ENOX2: variants seen among roughly 807,000 people sequenced by gnomAD.
The protein encoded by ENOX2 is ecto-NOX disulfide-thiol exchanger 2, also known as APK1 antigen.
ENOX2 carries 36 observed loss-of-function variants against 45.0 expected under a neutral mutation model. That is an observed-to-expected ratio of 0.80 (90% CI 0.61 to 1.06). The LOEUF (loss-of-function observed/expected upper bound fraction) is 1.06, where lower values mean the gene tolerates loss of function less well. Ranked by LOEUF, ENOX2 falls within the 50% of genes least tolerant of loss-of-function variation. ENOX2 has a pLI of 0.00. For missense variants in ENOX2, 423 were observed against 462.5 expected (o/e 0.91, Z 0.78); for synonymous variants, 174 against 152.3 (o/e 1.14, Z -1.05).
intron 13 of ENOX2, among the ~76,000 whole-genome samples, chrX:130,628,812 G>A (rs964369496): frequency 3.6e-5 from 4 of 111,678 alleles, no homozygotes; most frequent in Non-Finnish European, 7.5e-5. Flanking sequence ...TCATTGTTCT[G>A]GCCATTAGGT....
chrX:130,656,785 T>C, intron 9 of ENOX2, 90 bp from the exon 10 acceptor site: 1 of 543,246 alleles, frequency 1.8e-6, no homozygotes, highest in Non-Finnish European at 3.1e-6. Context: ...AGCAGCATTT[T>C]TTTTTGACAT....
intron 2 of ENOX2, among the ~76,000 whole-genome samples, chrX:130,844,400 A>G (rs147671427): frequency 0.011 from 1,201 of 111,408 alleles, 17 homozygotes; most frequent in African/African-American, 0.037. Flanking sequence ...GAGAGAGAGA[A>G]AGGGAAAGAG....
intron 2 of ENOX2, among the ~76,000 whole-genome samples, chrX:130,884,723 T>C (rs969468697): frequency 4.1e-4 from 44 of 106,265 alleles, no homozygotes; most frequent in African/African-American, 1.4e-3. Flanking sequence ...TGCTGATCTA[T>C]GAGAGAGAGA....
chrX:130,881,592 A>G (rs934677074), intron 2 of ENOX2, among the ~76,000 whole-genome samples: 12 of 112,088 alleles, frequency 1.1e-4, no homozygotes, highest in African/African-American at 2.3e-4. Context: ...TTATGCATCA[A>G]AAATTCCAAT....
rs190169705 is a variant in ENOX2 at position 130,784,553 on chromosome X, G to T, written c.-182-863C>A. 1.2e-4 allele frequency among the ~76,000 whole-genome samples: 13 copies of T among 109,905 alleles called. No homozygotes were observed. In the East Asian group the frequency reaches 3.4e-3, roughly 29 times the overall value. On this transcript the variant is annotated intron_variant, in intron 2 of 14. Transcript: ENST00000394363. ...ACTGGTTCTCTAATCCTATCAAAGG[G>T]GGGGAAATCAGGTTGGCCTGATATA...
chrX:130,695,268 G>T (rs2037726800), intron 4 of ENOX2, among the ~76,000 whole-genome samples: 1 of 111,956 alleles, frequency 8.9e-6, no homozygotes, highest in Non-Finnish European at 1.9e-5. Flanking sequence ...CACATGCATT[G>T]TCACAGTGTT....
rs958217864 is a variant in ENOX2 at position 130,710,248 on chromosome X, T to G, written c.-38-6994A>C. On this transcript the variant is annotated intron_variant, in intron 3 of 14. Coordinates refer to ENST00000394363, the MANE Select transcript of ENOX2 (RefSeq NM_006375.4). Reference sequence around the variant, plus strand: ...CCATAGTTATATAGCTAGCTTGCAGTAGAGCCGAGATTCAAACCCAGGCAG... The same window carrying G: ...CCATAGTTATATAGCTAGCTTGCAGGAGAGCCGAGATTCAAACCCAGGCAG... Among the ~76,000 whole-genome samples, 23 of 111,920 alleles carry G rather than the reference T, an allele frequency of 2.1e-4. No individual in the cohort carries two copies. The Admixed American group carries it at 2.2e-3, about 11-fold the overall frequency.
chrX:130,739,103 C>A (rs1446883592), intron 3 of ENOX2, among the ~76,000 whole-genome samples: 1 of 112,571 alleles, frequency 8.9e-6, no homozygotes, highest in Non-Finnish European at 1.9e-5. Context: ...GATGGTTCGA[C>A]TAAAATTTGT....
chrX:130,832,245 T>C (rs1311846060), intron 2 of ENOX2, among the ~76,000 whole-genome samples: 1 of 111,029 alleles, frequency 9.0e-6, no homozygotes, highest in African/African-American at 3.3e-5. Context: ...CTCTGCTAAG[T>C]AGTTTATCGA....
intron 11 of ENOX2, among the ~76,000 whole-genome samples, chrX:130,636,779 G>A (rs1410831505): frequency 8.9e-6 from 1 of 112,229 alleles, no homozygotes; most frequent in Non-Finnish European, 1.9e-5. Context: ...AACCTATAAT[G>A]TACCTATTTC....
intron 2 of ENOX2, among the ~76,000 whole-genome samples, chrX:130,784,824 G>A (rs1347259389): frequency 9.2e-6 from 1 of 108,511 alleles, no homozygotes; most frequent in Non-Finnish European, 1.9e-5. Context: ...CTTACCTCAG[G>A]TGATCCACCA....
At chrX:130,631,948 C>G (rs905936200) in intron 12 of ENOX2, among the ~76,000 whole-genome samples, 1 of 110,269 alleles carries the variant, frequency 9.1e-6, no homozygotes, top group Non-Finnish European at 1.9e-5. Context: ...GAAAGTGAGG[C>G]TCAGGTAAAT....
intron 2 of ENOX2, among the ~76,000 whole-genome samples, chrX:130,875,835 G>T (rs913704534): frequency 1.8e-5 from 2 of 111,904 alleles, no homozygotes; most frequent in African/African-American, 6.5e-5. Flanking sequence ...TCAGACAAAT[G>T]ATATAATCAT....
intron 9 of ENOX2, among the ~76,000 whole-genome samples, chrX:130,658,641 T>G (rs1193019555): frequency 8.9e-6 from 1 of 111,938 alleles, no homozygotes; most frequent in Non-Finnish European, 1.9e-5. Flanking sequence ...CAATACATTA[T>G]ACAGAGGGGA....
At chrX:130,765,087 T>C (rs2039585643) in intron 3 of ENOX2, among the ~76,000 whole-genome samples, 1 of 111,480 alleles carries the variant, frequency 9.0e-6, no homozygotes, top group South Asian at 3.8e-4. Context: ...ATTAAAAGCA[T>C]TGGGCTACAT....
chrX:130,832,436 C>CACAG (rs1556500558), intron 2 of ENOX2, among the ~76,000 whole-genome samples: 10 of 78,868 alleles, frequency 1.3e-4, no homozygotes, highest in African/African-American at 6.8e-4. Flanking sequence ...CACACACACA[C>CACAG]ACATACACAC....
chrX:130,854,671 T>C (rs984376265), intron 2 of ENOX2, among the ~76,000 whole-genome samples: 1 of 109,236 alleles, frequency 9.2e-6, no homozygotes, highest in South Asian at 3.8e-4. Context: ...CATTTACCTA[T>C]AAGAAAAAAA....
intron 14 of ENOX2, among the ~76,000 whole-genome samples, chrX:130,627,361 G>A (rs995329144): frequency 8.9e-6 from 1 of 111,858 alleles, no homozygotes; most frequent in Non-Finnish European, 1.9e-5. Flanking sequence ...CAGGCGGCTT[G>A]CTTGAGTCCA....
At chrX:130,708,125 C>T (rs186681657) in intron 3 of ENOX2, among the ~76,000 whole-genome samples, 20 of 111,230 alleles carry the variant, frequency 1.8e-4, no homozygotes, top group Non-Finnish European at 3.4e-4. Flanking sequence ...CTGGGTTTGA[C>T]GAAAAAATGG....
Sources: gnomAD v4.1 joint callset for allele counts (sites outside exome capture counted in the v4.1 genomes callset) on GRCh38, gnomAD v4.1.1 for gene constraint, MANE v1.5 for transcripts, NCBI Gene and HGNC (gene_info 2026-07-23, HGNC 2026-07-21) for gene names.